STK33: variants seen among roughly 807,000 people sequenced by gnomAD.
The protein encoded by STK33 is serine/threonine-protein kinase 33.
In STK33, 52 loss-of-function variants were observed where a neutral mutation model predicts 58.0. The ratio of observed to expected loss-of-function variants is 0.90; its 90% CI spans 0.72 to 1.13. STK33 has a LOEUF of 1.13. Ranked by LOEUF, STK33 falls within the 50% of genes most tolerant of loss-of-function variation. The pLI, the probability that STK33 is intolerant of heterozygous loss-of-function variation, is 0.00. For synonymous variants in STK33, 215 were observed against 200.1 expected (o/e 1.07, Z -0.63); for missense variants, 630 against 604.2 (o/e 1.04, Z -0.45).
the STK33 span, among the ~76,000 whole-genome samples, chr11:8,366,504 G>C: frequency 6.6e-6 from 1 of 152,224 alleles, no homozygotes; most frequent in Non-Finnish European, 1.5e-5. Context: ...CATGTGAGGG[G>C]CTGAGTCCTG....
At chr11:8,548,773 T>C (rs1324153306) in intron 1 of STK33, among the ~76,000 whole-genome samples, 1 of 152,086 alleles carries the variant, frequency 6.6e-6, no homozygotes, top group African/African-American at 2.4e-5. Flanking sequence ...GTGTCCTCTT[T>C]GATTTCTTTC....
intron 1 of STK33, among the ~76,000 whole-genome samples, chr11:8,498,736 T>C (rs890144626): frequency 2.0e-5 from 3 of 152,140 alleles, no homozygotes; most frequent in African/African-American, 7.2e-5. Context: ...AAAACAGATA[T>C]ATAGACCAAT....
chr11:8,555,380 C>A (rs1424769417), intron 1 of STK33, among the ~76,000 whole-genome samples: 1 of 152,084 alleles, frequency 6.6e-6, no homozygotes, highest in East Asian at 1.9e-4. Context: ...AATTAAGAAA[C>A]TGGCTGGGCA....
intron 1 of STK33, among the ~76,000 whole-genome samples, chr11:8,540,776 G>A (rs1444475473): frequency 1.3e-5 from 2 of 152,014 alleles, no homozygotes; most frequent in African/African-American, 4.8e-5. Context: ...GCAGATCAAA[G>A]GATACAAAAT....
intron 6 of STK33, among the ~76,000 whole-genome samples, chr11:8,468,509 A>G (rs1948448747): frequency 6.6e-6 from 1 of 152,122 alleles, no homozygotes. Flanking sequence ...GTTTAACACA[A>G]TTGTGTCTGT....
intron 14 of STK33, among the ~76,000 whole-genome samples, chr11:8,422,842 T>C (rs1942128131): frequency 6.6e-6 from 1 of 151,878 alleles, no homozygotes; most frequent in African/African-American, 2.4e-5. Flanking sequence ...TTTTTTTTCT[T>C]GAGACAGGGT....
intron 1 of STK33, among the ~76,000 whole-genome samples, chr11:8,544,126 C>T (rs1955728180): frequency 2.6e-5 from 4 of 151,912 alleles, no homozygotes; most frequent in East Asian, 1.9e-4. Context: ...CCGTCAACTA[C>T]ATTAGGTATT....
At chr11:8,583,658 T>G (rs1413627866) in intron 1 of STK33, among the ~76,000 whole-genome samples, 3 of 152,192 alleles carry the variant, frequency 2.0e-5, no homozygotes, top group Non-Finnish European at 4.4e-5. Flanking sequence ...GGGTGTAATA[T>G]GACCAAAACT....
the STK33 span, among the ~76,000 whole-genome samples, chr11:8,336,152 C>T: frequency 0.053 from 8,111 of 152,354 alleles, 303 homozygotes; most frequent in Non-Finnish European, 0.082. Context: ...TCCTGCTGCT[C>T]ACCTGCCCTC....
Position 8,474,755 on chromosome 11 carries a change from C to T in STK33, c.151G>A (p.Ala51Thr), listed in dbSNP as rs747695561. Residue 51 changes from alanine (A) to threonine (T), a missense_variant, in exon 5 of 16, where the codon GCA becomes ACA. Transcript: ENST00000687296. ...EMSQTSSIGSAESLISLERKK... is the reference protein window; with the variant it reads ...EMSQTSSIGSTESLISLERKK... ...CTCTCCAGTGAAATTAAAGATTCTG[C>T]ACTACCAATGCTTGATGTCTGTGAC... 48 of 1,612,840 alleles carry T rather than the reference C, an allele frequency of 3.0e-5. No individual in the cohort carries two copies. Among genetic ancestry groups the T allele is most frequent in the Non-Finnish European group, 3.9e-5 (46 of 1,179,610 alleles).
At chr11:8,471,423 T>G (rs959428816) in intron 6 of STK33, among the ~76,000 whole-genome samples, 1 of 152,116 alleles carries the variant, frequency 6.6e-6, no homozygotes, top group African/African-American at 2.4e-5. Context: ...CTATTTTTAC[T>G]GACACAGAAG....
At chr11:8,482,778 G>A (rs1361320261) in intron 1 of STK33, among the ~76,000 whole-genome samples, 4 of 151,686 alleles carry the variant, frequency 2.6e-5, no homozygotes, top group Non-Finnish European at 5.9e-5. Context: ...CACCCAGGCT[G>A]GAGTGCAGTG....
At chr11:8,369,599 C>T in the STK33 span, among the ~76,000 whole-genome samples, 1 of 152,132 alleles carries the variant, frequency 6.6e-6, no homozygotes, top group South Asian at 2.1e-4. Flanking sequence ...CTCCTCTCCT[C>T]CTCCGCCTCT....
chr11:8,517,388 G>C (rs1952899485), intron 1 of STK33, among the ~76,000 whole-genome samples: 1 of 152,224 alleles, frequency 6.6e-6, no homozygotes, highest in Admixed American at 6.5e-5. Flanking sequence ...GGAGAAACCA[G>C]AGCAGAAAAG....
At chr11:8,584,196 TG>T (rs763957421) in intron 1 of STK33, among the ~76,000 whole-genome samples, 11 of 152,014 alleles carry the variant, frequency 7.2e-5, no homozygotes, top group Non-Finnish European at 1.6e-4. Context: ...TTGCTATACT[TG>T]GAACAACTCT....
the STK33 span, among the ~76,000 whole-genome samples, chr11:8,338,366 ACTGC>A: frequency 6.6e-6 from 1 of 152,182 alleles, no homozygotes; most frequent in Admixed American, 6.5e-5. Context: ...CTGGGCACTG[ACTGC>A]CCTAGCTTTG....
chr11:8,469,496 C>T (rs1948567845), intron 6 of STK33, among the ~76,000 whole-genome samples: 1 of 152,152 alleles, frequency 6.6e-6, no homozygotes. Context: ...GACTTGAACC[C>T]TTCAAAGTCT....
At chr11:8,364,878 T>C in the STK33 span, among the ~76,000 whole-genome samples, 5 of 152,190 alleles carry the variant, frequency 3.3e-5, no homozygotes, top group African/African-American at 1.2e-4. Flanking sequence ...TATGCACTCA[T>C]TTCTATTGGT....
intron 8 of STK33, among the ~76,000 whole-genome samples, chr11:8,459,021 A>AT (rs1458091395): frequency 3.3e-5 from 5 of 152,124 alleles, no homozygotes; most frequent in Non-Finnish European, 7.4e-5. Flanking sequence ...ACTGGACCAT[A>AT]TTTTTTCCAT....
Sources: allele counts gnomAD v4.1 joint callset (sites outside exome capture counted in the v4.1 genomes callset), GRCh38; gene constraint gnomAD v4.1.1; transcripts MANE v1.5; gene names NCBI Gene and HGNC (gene_info 2026-07-23, HGNC 2026-07-21).